The following RFX3 variants were observed in gnomAD, a reference collection of about 807,000 sequenced individuals.
RFX3 encodes transcription factor RFX3.
Under a neutral mutation model 98.6 loss-of-function variants are expected in RFX3, and 14 were observed. That is an observed-to-expected ratio of 0.14 (90% CI 0.09 to 0.22). RFX3 has a LOEUF of 0.22. Ranked by LOEUF, RFX3 falls within the 10% of genes least tolerant of loss-of-function variation. The probability of loss-of-function intolerance (pLI) is 1.00; values close to 1 mark genes in which losing one functional copy is unlikely to be tolerated. For missense variants in RFX3, 639 were observed against 926.9 expected (o/e 0.69, Z 4.03); for synonymous variants, 383 against 328.4 (o/e 1.17, Z -1.80).
chr9:3,511,704 C>A (rs1169816580), intron 1 of RFX3, among the ~76,000 whole-genome samples: 1 of 151,982 alleles, frequency 6.6e-6, no homozygotes, highest in Non-Finnish European at 1.5e-5. Context: ...CAAAAGATAA[C>A]CCCATTTCAC....
At chr9:3,484,913 C>A (rs1009706163) in intron 1 of RFX3, among the ~76,000 whole-genome samples, 1 of 149,902 alleles carries the variant, frequency 6.7e-6, no homozygotes, top group African/African-American at 2.5e-5. Flanking sequence ...GGGAGACACC[C>A]CCCCCCACCC....
intron 16 of RFX3, among the ~76,000 whole-genome samples, 169 bp downstream of exon 16, chr9:3,228,678 G>A (rs751853256): frequency 2.6e-4 from 40 of 152,150 alleles, no homozygotes; most frequent in Non-Finnish European, 2.6e-4. Flanking sequence ...AAGGCATAGG[G>A]ATGGGGAAAA....
In RFX3 at chr9:3,223,452, G is replaced by A. The variant is rs1334501174; in HGVS notation, c.*1590C>T. ...AAAAGATGCACTTCGATAAGTACCT[G>A]CTTACTTTGTTAACTTTCTAAAATT... is the stretch of plus-strand genomic sequence containing the variant. On this transcript the variant is annotated 3_prime_UTR_variant, in exon 17 of 17. Transcript: ENST00000617270. The A allele has an allele frequency of 6.6e-6, 1 of 152,154 alleles. No homozygotes were observed. The highest frequency in any genetic ancestry group is 2.4e-5 in the African/African-American group (1 of 41,438). 9.4% of individuals were successfully genotyped at this position (152,154 alleles called of 1,614,324 possible). A position where few individuals can be genotyped will look rare whatever the true frequency, so the allele number is the denominator to read the frequency against.
intron 15 of RFX3, among the ~76,000 whole-genome samples, chr9:3,231,089 T>A (rs1256379560): frequency 6.6e-6 from 1 of 152,164 alleles, no homozygotes; most frequent in African/African-American, 2.4e-5. Context: ...AAAATCCAGT[T>A]ACATACTAAA....
intron 1 of RFX3, among the ~76,000 whole-genome samples, chr9:3,519,950 T>C (rs1239148982): frequency 1.3e-5 from 2 of 150,930 alleles, no homozygotes; most frequent in Non-Finnish European, 2.9e-5. Flanking sequence ...AAAAAAAAAT[T>C]GAAATGTTTT....
At chr9:3,424,414 T>A (rs1175673962) in intron 1 of RFX3, among the ~76,000 whole-genome samples, 3 of 128,224 alleles carry the variant, frequency 2.3e-5, no homozygotes, top group Non-Finnish European at 4.7e-5. Flanking sequence ...CAGGCTGGAG[T>A]GCAGTGGCGC....
chr9:3,463,780 G>C (rs912623562), intron 1 of RFX3, among the ~76,000 whole-genome samples: 15 of 151,954 alleles, frequency 9.9e-5, no homozygotes, highest in Admixed American at 5.9e-4. Context: ...AGACCAGCCT[G>C]GGCGACATAG....
chr9:3,451,264 G>C (rs1846600507), intron 1 of RFX3, among the ~76,000 whole-genome samples: 1 of 152,166 alleles, frequency 6.6e-6, no homozygotes, highest in Non-Finnish European at 1.5e-5. Flanking sequence ...AAATGACTGA[G>C]GCTGGGCACA....
At chr9:3,488,804 A>G in intron 1 of RFX3, 1 of 985,310 alleles carries the variant, frequency 1.0e-6, no homozygotes, top group African/African-American at 1.7e-5. Flanking sequence ...AATGGAGGTT[A>G]CAGCTTCAGC....
chr9:3,362,881 T>G (rs1041943459), intron 2 of RFX3, among the ~76,000 whole-genome samples: 1 of 152,168 alleles, frequency 6.6e-6, no homozygotes, highest in Non-Finnish European at 1.5e-5. Context: ...AGGGGGAGTG[T>G]GTCTGGGAGC....
chr9:3,249,902 G>C (rs1397123641), intron 14 of RFX3, among the ~76,000 whole-genome samples: 2 of 151,896 alleles, frequency 1.3e-5, no homozygotes, highest in African/African-American at 2.4e-5. Context: ...ATATCTTAGA[G>C]TTGACTACTT....
intron 1 of RFX3, among the ~76,000 whole-genome samples, chr9:3,427,730 TACCA>T (rs1279809300): frequency 2.0e-5 from 3 of 152,062 alleles, no homozygotes; most frequent in African/African-American, 7.2e-5. Flanking sequence ...CAGAAACCTG[TACCA>T]TATCTTTTCA....
chr9:3,334,289 C>A (rs999429325), intron 3 of RFX3, among the ~76,000 whole-genome samples: 3 of 147,340 alleles, frequency 2.0e-5, no homozygotes, highest in Non-Finnish European at 3.0e-5. Context: ...AGATGATGTA[C>A]TTGCAATTGT....
At chr9:3,425,346 G>A (rs1285171907) in intron 1 of RFX3, among the ~76,000 whole-genome samples, 2 of 152,166 alleles carry the variant, frequency 1.3e-5, no homozygotes, top group African/African-American at 2.4e-5. Context: ...TGTGATCAGA[G>A]GTAAATTTTA....
chr9:3,360,430 G>T (rs1329984108), intron 2 of RFX3, among the ~76,000 whole-genome samples: 7 of 151,914 alleles, frequency 4.6e-5, no homozygotes, highest in Non-Finnish European at 1.0e-4. Flanking sequence ...TTTTTAAATG[G>T]TTACCTAGTA....
intron 1 of RFX3, among the ~76,000 whole-genome samples, chr9:3,458,231 C>G (rs1307771177): frequency 6.6e-6 from 1 of 151,914 alleles, no homozygotes; most frequent in African/African-American, 2.4e-5. Context: ...GTAAAGTCAC[C>G]AATACATAGA....
At chr9:3,255,322 G>A (rs1821975539) in intron 14 of RFX3, among the ~76,000 whole-genome samples, 1 of 152,142 alleles carries the variant, frequency 6.6e-6, no homozygotes, top group Admixed American at 6.5e-5. Context: ...GAGTTCACAA[G>A]TACTATTAGT....
At chr9:3,238,915 C>A (rs983222747) in intron 15 of RFX3, among the ~76,000 whole-genome samples, 17 of 151,528 alleles carry the variant, frequency 1.1e-4, no homozygotes, top group African/African-American at 4.1e-4. Context: ...ATCGCTTGAA[C>A]CCGGGAGGCA....
chr9:3,287,318 T>C (rs1808418079), intron 7 of RFX3, among the ~76,000 whole-genome samples: 1 of 151,922 alleles, frequency 6.6e-6, no homozygotes, highest in South Asian at 2.1e-4. Flanking sequence ...TAATTCTGCA[T>C]GCTCACTTGA....
Sources: allele counts gnomAD v4.1 joint callset (sites outside exome capture counted in the v4.1 genomes callset), GRCh38; gene constraint gnomAD v4.1.1; transcripts MANE v1.5; gene names NCBI Gene and HGNC (gene_info 2026-07-23, HGNC 2026-07-21).